Variants in CEP126 observed in about 807,000 individuals in gnomAD.
CEP126 encodes centrosomal protein of 126 kDa.
Under a neutral mutation model 107.8 loss-of-function variants are expected in CEP126, and 74 were observed. That is an observed-to-expected ratio of 0.69 (90% CI 0.57 to 0.83). CEP126 has a LOEUF of 0.83. Ranked by LOEUF, CEP126 falls within the 40% of genes least tolerant of loss-of-function variation. The probability of loss-of-function intolerance (pLI) is 0.00; values close to 1 mark genes in which losing one functional copy is unlikely to be tolerated. For missense variants in CEP126, 1,237 were observed against 1,281.9 expected (o/e 0.96, Z 0.53); for synonymous variants, 449 against 446.0 (o/e 1.01, Z -0.08).
At chr11:101,931,283 G>C (rs1267707853) in intron 2 of CEP126, among the ~76,000 whole-genome samples, 1 of 152,140 alleles carries the variant, frequency 6.6e-6, no homozygotes, top group African/African-American at 2.4e-5. Context: ...CCCTGTGATA[G>C]TGTATTGAGG....
chr11:101,991,132 A>G (rs1360990192), intron 9 of CEP126, among the ~76,000 whole-genome samples: 2 of 152,162 alleles, frequency 1.3e-5, no homozygotes, highest in South Asian at 2.1e-4. Flanking sequence ...AGCCATGATC[A>G]TAACACTGCA....
intron 4 of CEP126, among the ~76,000 whole-genome samples, chr11:101,957,397 T>C (rs1317699099): frequency 6.6e-6 from 1 of 152,180 alleles, no homozygotes; most frequent in Non-Finnish European, 1.5e-5. Context: ...AAAACTCTTC[T>C]TTAGTTCTTT....
At chr11:101,987,665 TA>T (rs5794149) in intron 9 of CEP126, among the ~76,000 whole-genome samples, 89,011 of 142,446 alleles carry the variant, frequency 0.62, 28,205 homozygotes, top group East Asian at 0.91. Flanking sequence ...AATTTTTTTC[TA>T]AAAAAAAAAA....
intron 2 of CEP126, among the ~76,000 whole-genome samples, chr11:101,928,703 T>C (rs1304009293): frequency 1.3e-5 from 2 of 152,166 alleles, no homozygotes; most frequent in Non-Finnish European, 2.9e-5. Flanking sequence ...TTGAGCATAT[T>C]TGTATGCATC....
chr11:101,987,479 G>A (rs1186390411), intron 9 of CEP126, among the ~76,000 whole-genome samples: 3 of 152,072 alleles, frequency 2.0e-5, no homozygotes, highest in Admixed American at 6.5e-5. Context: ...TTGTCCTGAG[G>A]ATATTTAACT....
chr11:101,929,974 C>CTTTTTTTTTTTTT (rs60650996), intron 2 of CEP126, among the ~76,000 whole-genome samples: 6 of 118,682 alleles, frequency 5.1e-5, no homozygotes, highest in South Asian at 2.9e-4. Context: ...TTAGTTAGGA[C>CTTTTTTTTTTTTT]TTTTTTTTTT....
chr11:101,958,846 G>C (rs2137109144), intron 5 of CEP126, among the ~76,000 whole-genome samples: 1 of 152,294 alleles, frequency 6.6e-6, no homozygotes, highest in Admixed American at 6.5e-5. Flanking sequence ...ACATTGGCCT[G>C]ATTCATCCAA....
At chr11:101,930,091 C>G (rs1940472033) in intron 2 of CEP126, among the ~76,000 whole-genome samples, 1 of 151,164 alleles carries the variant, frequency 6.6e-6, no homozygotes, top group African/African-American at 2.4e-5. Context: ...GCACCATGTC[C>G]TTTCTCAGGC....
At chr11:101,992,169 G>A (rs201385608) in intron 9 of CEP126, among the ~76,000 whole-genome samples, 1 of 58,394 alleles carries the variant, frequency 1.7e-5, no homozygotes, top group African/African-American at 6.1e-5. Flanking sequence ...AAAATAAAAA[G>A]CAGGGAGCTA....
At chr11:101,975,239 T>C (rs1233526267) in intron 6 of CEP126, among the ~76,000 whole-genome samples, 2 of 152,200 alleles carry the variant, frequency 1.3e-5, no homozygotes, top group African/African-American at 4.8e-5. Context: ...CGTTCGTCAA[T>C]TGTGAAATCA....
Position 101,963,132 on chromosome 11 carries a change from G to T in CEP126, c.2097G>T (p.Thr699=). 6.2e-7 allele frequency: 1 copy of T among 1,613,972 alleles called. No homozygotes were observed. The highest frequency in any genetic ancestry group is 8.5e-7 in the Non-Finnish European group (1 of 1,179,988). Residue 699 remains threonine, a synonymous_variant, in exon 6 of 11, where the codon ACG becomes ACT. Coordinates refer to ENST00000263468, the MANE Select transcript of CEP126 (RefSeq NM_020802.4). ...AGGATTCTATCTCTGAAAATGTTAC[G>T]ACTTTAGGAGGATCTGGAGCAGACC... ...SREDSISENV[T]TLGGSGADHM...
chr11:101,925,875 G>A (rs923414949), intron 2 of CEP126, among the ~76,000 whole-genome samples: 2 of 148,554 alleles, frequency 1.3e-5, no homozygotes, highest in Non-Finnish European at 3.0e-5. Flanking sequence ...GGCTGGTCTC[G>A]AACTCCTGGA....
Position 101,946,717 on chromosome 11 carries a change from A to G in CEP126, c.395-1314A>G, listed in dbSNP as rs146373028. Among the ~76,000 whole-genome samples the G allele has an allele frequency of 3.3e-5, 5 of 151,928 alleles. No individual in the cohort carries two copies. In the East Asian group the frequency reaches 9.7e-4, roughly 30 times the overall value. On this transcript the variant is annotated intron_variant, in intron 3 of 10. Transcript: ENST00000263468. ...TCTACTAAAAATACAAAAGTTAGCC[A>G]GGCATGGTGGCGGTTGCCTGTAATC...
rs534594450 is a variant in CEP126, at chr11:101,920,898, G to A, written c.129-1743G>A. ...TGGGATTACAGGTGTGAGCCACTGC[G>A]CCCAGCCAAATGAACTTCTTTTAAT... On this transcript the variant is annotated intron_variant, in intron 1 of 10. Transcript: ENST00000263468. 4.4e-4 allele frequency among the ~76,000 whole-genome samples: 67 copies of A among 152,162 alleles called. 1 individual carries two copies. Among genetic ancestry groups the A allele is most frequent in the African/African-American group, 1.1e-3 (46 of 41,530 alleles).
rs372560418 is a variant in CEP126 at position 101,979,975 on chromosome 11, T to C, written c.2958+1516T>C. 3.2e-4 allele frequency among the ~76,000 whole-genome samples: 48 copies of C among 152,310 alleles called. No homozygotes were observed. The South Asian group carries it at 9.5e-3, about 30-fold the overall frequency. On this transcript the variant is annotated intron_variant, in intron 7 of 10. Coordinates refer to ENST00000263468, the MANE Select transcript of CEP126 (RefSeq NM_020802.4). ...GGAATATTTTTAATAAAATGCCTTATGAAGAATTTATATTCCAAGTTACTG... is the reference window on the plus strand; with the variant it reads ...GGAATATTTTTAATAAAATGCCTTACGAAGAATTTATATTCCAAGTTACTG...
At position 101,944,299 on chromosome 11, in the gene CEP126, A is replaced by C; in HGVS notation, c.283A>C (p.Lys95Gln). The change falls in exon 3 of 11, where the codon AAA becomes CAA. Residue 95 changes from lysine to glutamine, a missense_variant. Transcript: ENST00000263468. The stretch of plus-strand genomic sequence containing the variant: ...GGAGAAACGAAAAGAACAGGAAGAA[A>C]AAGAACACCAAATTAGAGAACAAAT... ...FEEKRKEQEE[K>Q]EHQIREQILQ... 1 of 1,607,654 alleles carries C rather than the reference A, an allele frequency of 6.2e-7. No individual in the cohort carries two copies. Among genetic ancestry groups the C allele is most frequent in the South Asian group, 1.1e-5 (1 of 88,966 alleles).
chr11:101,935,388 G>A (rs1245469320), intron 2 of CEP126, among the ~76,000 whole-genome samples: 1 of 151,838 alleles, frequency 6.6e-6, no homozygotes, highest in Non-Finnish European at 1.5e-5. Flanking sequence ...TTGTTCTATG[G>A]TTAGTCTTCT....
chr11:101,986,639 A>G (rs1941319186), intron 8 of CEP126, among the ~76,000 whole-genome samples, 193 bp from the exon 9 acceptor site: 1 of 152,198 alleles, frequency 6.6e-6, no homozygotes, highest in African/African-American at 2.4e-5. Context: ...CTTTTTTAAA[A>G]AACGAAGGAT....
chr11:101,937,643 A>G (rs1940601582), intron 2 of CEP126, among the ~76,000 whole-genome samples: 2 of 152,188 alleles, frequency 1.3e-5, no homozygotes, highest in African/African-American at 4.8e-5. Flanking sequence ...TGGCCTTATA[A>G]AACATGGTGG....
Sources: gnomAD v4.1 joint callset for allele counts (sites outside exome capture counted in the v4.1 genomes callset) on GRCh38, gnomAD v4.1.1 for gene constraint, MANE v1.5 for transcripts, NCBI Gene and HGNC (gene_info 2026-07-23, HGNC 2026-07-21) for gene names.